The following FHIT variants were observed in gnomAD, a reference collection of about 807,000 sequenced individuals.
FHIT encodes fragile histidine triad diadenosine triphosphatase.
A neutral mutation model predicts 17.9 loss-of-function variants in FHIT; 19 were observed. The ratio of observed to expected loss-of-function variants is 1.06; its 90% CI spans 0.74 to 1.56. FHIT has a LOEUF of 1.56. Ranked by LOEUF, FHIT falls within the 40% of genes most tolerant of loss-of-function variation. The pLI is 0.00. For synonymous variants in FHIT, 81 were observed against 69.7 expected (o/e 1.16, Z -0.81); for missense variants, 248 against 189.2 (o/e 1.31, Z -1.82).
At chr3:60,521,117 G>C (rs1175861832) in intron 5 of FHIT, among the ~76,000 whole-genome samples, 1 of 151,892 alleles carries the variant, frequency 6.6e-6, no homozygotes, top group African/African-American at 2.4e-5. Flanking sequence ...TAGAAATGCA[G>C]TATTTTTTTA....
intron 5 of FHIT, among the ~76,000 whole-genome samples, chr3:60,144,487 T>C (rs1021595748): frequency 1.3e-5 from 2 of 152,216 alleles, no homozygotes; most frequent in Non-Finnish European, 2.9e-5. Context: ...AGGCACCACC[T>C]TGTTTGACAG....
chr3:60,583,523 G>T (rs572709889), intron 4 of FHIT, among the ~76,000 whole-genome samples: 84 of 152,164 alleles, frequency 5.5e-4, no homozygotes, highest in African/African-American at 2.0e-3. Context: ...GGCAAGACTG[G>T]ATTCCAATAA....
chr3:60,644,135 A>G (rs546401983), intron 4 of FHIT, among the ~76,000 whole-genome samples: 2 of 152,300 alleles, frequency 1.3e-5, no homozygotes, highest in East Asian at 3.9e-4. Context: ...CCTGAAGGCC[A>G]TATTTTAGGA....
chr3:59,944,377 G>A (rs1575739713), intron 7 of FHIT, among the ~76,000 whole-genome samples: 1 of 152,196 alleles, frequency 6.6e-6, no homozygotes, highest in South Asian at 2.1e-4. Flanking sequence ...CCTTTGGGGA[G>A]GCACTCCTGT....
chr3:60,229,006 C>T (rs1177896717), intron 5 of FHIT, among the ~76,000 whole-genome samples: 2 of 152,190 alleles, frequency 1.3e-5, no homozygotes, highest in Non-Finnish European at 2.9e-5. Flanking sequence ...TGGAACCTCA[C>T]ACTCTTGAGT....
chr3:60,227,589 G>A (rs906452990), intron 5 of FHIT, among the ~76,000 whole-genome samples: 28 of 152,174 alleles, frequency 1.8e-4, no homozygotes, highest in African/African-American at 6.3e-4. Flanking sequence ...CGGCTGAAAT[G>A]AACAATCAAC....
intron 5 of FHIT, among the ~76,000 whole-genome samples, chr3:60,407,191 G>T (rs2107211692): frequency 6.7e-6 from 1 of 149,280 alleles, no homozygotes; most frequent in South Asian, 2.1e-4. Context: ...GACAATCATG[G>T]ATCTGGAGCC....
intron 5 of FHIT, among the ~76,000 whole-genome samples, chr3:60,433,825 T>A (rs2029959698): frequency 6.6e-6 from 1 of 152,174 alleles, no homozygotes. Context: ...GCATATTAGA[T>A]GCATCAGATG....
intron 3 of FHIT, among the ~76,000 whole-genome samples, chr3:60,849,823 C>A (rs1703078425): frequency 6.6e-6 from 1 of 151,924 alleles, no homozygotes; most frequent in African/African-American, 2.4e-5. Context: ...AGGAGCAATT[C>A]CTAATGTAAT....
intron 5 of FHIT, among the ~76,000 whole-genome samples, chr3:60,288,954 C>T (rs1359712646): frequency 6.6e-6 from 1 of 152,130 alleles, no homozygotes; most frequent in Admixed American, 6.5e-5. Flanking sequence ...CTGCCAATGC[C>T]ACCGTGGTCT....
chr3:59,920,320 A>C (rs141722359), intron 8 of FHIT, among the ~76,000 whole-genome samples: 67 of 152,336 alleles, frequency 4.4e-4, no homozygotes, highest in African/African-American at 1.5e-3. Context: ...GATACTGTCT[A>C]TACTACATAT....
At chr3:59,929,057 A>G (rs941694075) in intron 7 of FHIT, among the ~76,000 whole-genome samples, 17 of 151,062 alleles carry the variant, frequency 1.1e-4, no homozygotes, top group Non-Finnish European at 4.4e-5. Flanking sequence ...GGAAGTGGAG[A>G]AATTGGAACC....
intron 5 of FHIT, among the ~76,000 whole-genome samples, chr3:60,488,585 A>G (rs1019956665): frequency 2.6e-5 from 4 of 152,122 alleles, no homozygotes; most frequent in Admixed American, 2.0e-4. Flanking sequence ...GGGAGGGCCT[A>G]TGACAGCAGG....
chr3:59,813,919 T>C (rs898196150), intron 8 of FHIT, among the ~76,000 whole-genome samples: 2 of 152,106 alleles, frequency 1.3e-5, no homozygotes, highest in Non-Finnish European at 2.9e-5. Context: ...GGGTGTGGGA[T>C]GCTAGGAGAT....
chr3:59,846,461 A>G (rs1701724683), intron 8 of FHIT, among the ~76,000 whole-genome samples: 1 of 152,138 alleles, frequency 6.6e-6, no homozygotes, highest in Admixed American at 6.6e-5. Flanking sequence ...AACATCAACT[A>G]ATAATTTTTA....
At position 60,656,398 on chromosome 3, in the gene FHIT, G is replaced by A. The variant is rs1265384711; in HGVS notation, c.-17-119419C>T. ...AACTCTATTACTGGGGGCAAGATTT[G>A]TTTTTCCTCTTCCCACAGCTAGAAG... On this transcript the variant is annotated intron_variant, in intron 4 of 9. Coordinates refer to ENST00000492590, the MANE Select transcript of FHIT (RefSeq NM_002012.4). 3.3e-5 allele frequency among the ~76,000 whole-genome samples: 5 copies of A among 152,148 alleles called. No homozygotes were observed. The South Asian group carries it at 6.2e-4, about 19-fold the overall frequency.
intron 3 of FHIT, among the ~76,000 whole-genome samples, chr3:61,028,105 G>A (rs554833097): frequency 1.3e-5 from 2 of 152,284 alleles, no homozygotes; most frequent in East Asian, 1.9e-4. Context: ...TTCAGGTAAG[G>A]CTACCAAATT....
At chr3:60,561,844 TTCTC>T (rs2036959242) in intron 4 of FHIT, among the ~76,000 whole-genome samples, 1 of 151,592 alleles carries the variant, frequency 6.6e-6, no homozygotes, top group Non-Finnish European at 1.5e-5. Flanking sequence ...TATCAAAACA[TTCTC>T]TCTTTTTTAT....
At chr3:60,317,580 A>G (rs1709220062) in intron 5 of FHIT, among the ~76,000 whole-genome samples, 1 of 147,926 alleles carries the variant, frequency 6.8e-6, no homozygotes, top group African/African-American at 2.5e-5. Context: ...ATATAATTAT[A>G]TATATCATTA....
Sources: gnomAD v4.1 joint callset for allele counts (sites outside exome capture counted in the v4.1 genomes callset) on GRCh38, gnomAD v4.1.1 for gene constraint, MANE v1.5 for transcripts, NCBI Gene and HGNC (gene_info 2026-07-23, HGNC 2026-07-21) for gene names.